The following TP73 variants were observed in gnomAD, a reference collection of about 807,000 sequenced individuals.
TP73 encodes the protein p53-like transcription factor.
A neutral mutation model predicts 62.5 loss-of-function variants in TP73; 25 were observed. The ratio of observed to expected loss-of-function variants is 0.40; its 90% CI spans 0.29 to 0.56. The LOEUF (loss-of-function observed/expected upper bound fraction) is 0.56. TP73 is among the 20% of genes least tolerant of loss of function. The probability of loss-of-function intolerance (pLI) is 0.46; values close to 1 mark genes in which losing one functional copy is unlikely to be tolerated. For synonymous variants in TP73, 423 were observed against 377.5 expected (o/e 1.12, Z -1.40); for missense variants, 754 against 913.3 (o/e 0.83, Z 2.25).
chr1:3,681,546 C>T (rs939776217), intron 1 of TP73, among the ~76,000 whole-genome samples: 1 of 152,170 alleles, frequency 6.6e-6, no homozygotes, highest in Non-Finnish European at 1.5e-5. Flanking sequence ...CTTCTCAAGG[C>T]GTGACCACCC....
chr1:3,712,183 G>A (rs563793879), intron 4 of TP73: 1 of 152,388 alleles, frequency 6.6e-6, no homozygotes, highest in South Asian at 2.1e-4. Flanking sequence ...GCAATTATAT[G>A]TGCGTAAAGC....
chr1:3,664,118 C>T (rs1378873786), intron 1 of TP73, among the ~76,000 whole-genome samples: 1 of 152,214 alleles, frequency 6.6e-6, no homozygotes, highest in African/African-American at 2.4e-5. Flanking sequence ...CCAAGTGAGG[C>T]TGGTGCAGCC....
At chr1:3,731,096 G>T (rs1642105880) in intron 12 of TP73, 31 bp downstream of exon 12, 2 of 1,600,878 alleles carry the variant, frequency 1.2e-6, no homozygotes. Flanking sequence ...CTGAGCATGT[G>T]CTGTCACCCT....
At chr1:3,729,522 G>A in intron 10 of TP73, 74 bp downstream of exon 10, 2 of 1,604,706 alleles carry the variant, frequency 1.2e-6, no homozygotes, top group East Asian at 2.2e-5. Context: ...AGGCCAGGAG[G>A]ACCAGAAACC....
chr1:3,687,288 C>T (rs1645683379), intron 3 of TP73, among the ~76,000 whole-genome samples: 1 of 152,226 alleles, frequency 6.6e-6, no homozygotes, highest in Non-Finnish European at 1.5e-5. Flanking sequence ...TCTCAGGACC[C>T]TGGCTGGTTC....
Position 3,734,363 on chromosome 1 carries a change from C to G in TP73, c.*1284C>G, listed in dbSNP as rs944972591. On this transcript the variant is annotated 3_prime_UTR_variant, in exon 14 of 14. Transcript: ENST00000378295. This position sits in a 1 kb window ranked among gnomAD's most constrained non-coding sequence, Gnocchi z 4.4. The stretch of plus-strand genomic sequence containing the variant: ...CCTTGGTGGCCGAACCTTGACCGTC[C>G]CGGAGCACAGCTTCAGGGCAGGGAA... 1 of 152,234 alleles carries G rather than the reference C, an allele frequency of 6.6e-6. No individual in the cohort carries two copies. Among genetic ancestry groups the G allele is most frequent in the African/African-American group, 2.4e-5 (1 of 41,416 alleles). The allele number at this position is 152,234 out of a possible 1,614,324, so 9.4% of individuals were successfully genotyped here. A position where few individuals can be genotyped will look rare whatever the true frequency, so the allele number is the denominator to read the frequency against.
chr1:3,711,839 C>CGTGTGTGTGTGTGTGTGT (rs533054348), intron 4 of TP73, among the ~76,000 whole-genome samples: 96 of 146,164 alleles, frequency 6.6e-4, no homozygotes, highest in Non-Finnish European at 1.3e-3. Flanking sequence ...TGTGCGCGAG[C>CGTGTGTGTGTGTGTGTGT]GTGTGTATGT....
At position 3,670,810 on chromosome 1, in the gene TP73, G is replaced by A. The variant is rs187244196; in HGVS notation, c.-33-11523G>A. ...GTCCTGACCTGACCTGCTGGGCCCC[G>A]CCCGCTCAAACCAAATCATGGATTC... On this transcript the variant is annotated intron_variant, in intron 1 of 13. Transcript: ENST00000378295. The surrounding 1 kb of genome is among the most constrained non-coding windows in gnomAD (Gnocchi z 5.9). Among the ~76,000 whole-genome samples the A allele has an allele frequency of 2.2e-4, 34 of 152,190 alleles. No individual in the cohort carries two copies. Among genetic ancestry groups the A allele is most frequent in the East Asian group, 7.7e-4 (4 of 5,202 alleles).
Position 3,723,486 on chromosome 1 carries a change from G to A in TP73, c.732+17G>A, listed in dbSNP as rs1420143920. The A allele has an allele frequency of 4.4e-6, 7 of 1,592,296 alleles. No individual in the cohort carries two copies. Among genetic ancestry groups the A allele is most frequent in the Non-Finnish European group, 5.2e-6 (6 of 1,162,694 alleles). ...CCACCACAGGTAGGCCAGGAGCCAG[G>A]CTGTGCCCAGGGCCCTGCAGTCAGC... On this transcript the variant is annotated intron_variant, in intron 6 of 13. Transcript: ENST00000378295.
rs3753209 is a variant in TP73, at chr1:3,710,200, G to C, written c.429+2409G>C. ...TGCTGGGCTCTGTGGATGCTGGGGCGGGGGGAGGGTGGGGGGGCGCGAACT... is the reference window on the plus strand; with the variant it reads ...TGCTGGGCTCTGTGGATGCTGGGGCCGGGGGAGGGTGGGGGGGCGCGAACT... On this transcript the variant is annotated intron_variant, in intron 4 of 13. Transcript: ENST00000378295. Among the ~76,000 whole-genome samples the C allele has an allele frequency of 1.2e-4, 17 of 146,564 alleles. 1 individual carries two copies. The highest frequency in any genetic ancestry group is 2.1e-4 in the Non-Finnish European group (14 of 66,158).
chr1:3,685,900 A>C (rs1258263317), intron 3 of TP73, among the ~76,000 whole-genome samples: 1 of 152,236 alleles, frequency 6.6e-6, no homozygotes, highest in Non-Finnish European at 1.5e-5. Flanking sequence ...GCCCAGTTCT[A>C]GCCCCACCAC....
Position 3,730,132 on chromosome 1 carries a change from C to A in TP73, c.1329C>A (p.Pro443=), listed in dbSNP as rs1406206105. The change falls in exon 11 of 14, where the codon CCC becomes CCA. Residue 443 remains proline (P), a synonymous_variant. Transcript: ENST00000378295. ...QPPPHSSAAT[P]NLGPVGPGML... is the part of the protein sequence containing the mutation. ...CCCCGCACAGTTCGGCAGCTACACC[C>A]AACCTGGGGCCCGTGGGTGAGTCCC... 1 of 1,558,624 alleles carries A rather than the reference C, an allele frequency of 6.4e-7. No homozygotes were observed. Among genetic ancestry groups the A allele is most frequent in the Admixed American group, 1.9e-5 (1 of 52,196 alleles).
rs541665357 is a variant in TP73, at chr1:3,714,480, G to C, written c.429+6689G>C. Among the ~76,000 whole-genome samples, 12 of 152,362 alleles carry C rather than the reference G, an allele frequency of 7.9e-5. No individual in the cohort carries two copies. In the East Asian group the frequency reaches 1.4e-3, roughly 17 times the overall value. ...GATGGTGGGGGCAAGGATGGTGGGG[G>C]CTTCCTCCCCAGGAGTTAAGGGGCC... is the stretch of plus-strand genomic sequence containing the variant. On this transcript the variant is annotated intron_variant, in intron 4 of 13. Transcript: ENST00000378295.
At chr1:3,711,846 A>T (rs3819965) in intron 4 of TP73, among the ~76,000 whole-genome samples, 3 of 150,110 alleles carry the variant, frequency 2.0e-5, no homozygotes, top group Admixed American at 6.6e-5. Flanking sequence ...GAGCGTGTGT[A>T]TGTGTGTGTG....
intron 3 of TP73, among the ~76,000 whole-genome samples, chr1:3,692,015 A>G (rs1645849827): frequency 6.6e-6 from 1 of 152,130 alleles, no homozygotes; most frequent in Non-Finnish European, 1.5e-5. Flanking sequence ...GTGGATGTGC[A>G]TGCAATACGC....
At chr1:3,665,819 C>T (rs1436986827) in intron 1 of TP73, among the ~76,000 whole-genome samples, 10 of 96,916 alleles carry the variant, frequency 1.0e-4, no homozygotes, top group Admixed American at 1.2e-4. Flanking sequence ...CGTGCCCGGC[C>T]TTTTTTTTTT....
intron 4 of TP73, among the ~76,000 whole-genome samples, chr1:3,719,366 C>G (rs976520602): frequency 6.6e-6 from 1 of 152,230 alleles, no homozygotes; most frequent in Non-Finnish European, 1.5e-5. Context: ...GCCCTGGCCT[C>G]GGAGAAGCCT....
At chr1:3,669,195 C>T (rs1017426081) in intron 1 of TP73, among the ~76,000 whole-genome samples, 6 of 152,238 alleles carry the variant, frequency 3.9e-5, no homozygotes, top group Non-Finnish European at 5.9e-5. Flanking sequence ...TCGCCCTCCT[C>T]TCGGCCTGAG....
intron 1 of TP73, among the ~76,000 whole-genome samples, chr1:3,661,860 TAC>T (rs1381107339): frequency 6.1e-5 from 9 of 147,770 alleles, no homozygotes; most frequent in African/African-American, 2.2e-4. Flanking sequence ...ATTATATATA[TAC>T]ACACAATATA....
Sources: allele counts gnomAD v4.1 joint callset (sites outside exome capture counted in the v4.1 genomes callset), GRCh38; gene constraint gnomAD v4.1.1; non-coding constraint Gnocchi (gnomAD v3.1); transcripts MANE v1.5; gene names NCBI Gene and HGNC (gene_info 2026-07-23, HGNC 2026-07-21).